Variants in GPR158 observed in about 807,000 individuals in gnomAD.
GPR158 encodes the protein G protein-coupled receptor 158.
In GPR158, 30 loss-of-function variants were observed where a neutral mutation model predicts 78.2. The ratio of observed to expected loss-of-function variants is 0.38; its 90% CI spans 0.29 to 0.52. The LOEUF is 0.52. Ranked by LOEUF, GPR158 falls within the 20% of genes least tolerant of loss-of-function variation. GPR158 has a pLI of 0.83. For missense variants in GPR158, 1,463 were observed against 1,523.5 expected (o/e 0.96, Z 0.66); for synonymous variants, 581 against 591.1 (o/e 0.98, Z 0.25).
intron 5 of GPR158, among the ~76,000 whole-genome samples, chr10:25,542,104 T>TA (rs1324942024): frequency 6.6e-6 from 1 of 151,884 alleles, no homozygotes; most frequent in Non-Finnish European, 1.5e-5. Flanking sequence ...TGCCTCCTAG[T>TA]ACACAGTAAT....
chr10:25,323,975 C>A (rs1854992400), intron 2 of GPR158, among the ~76,000 whole-genome samples: 1 of 152,252 alleles, frequency 6.6e-6, no homozygotes, highest in Non-Finnish European at 1.5e-5. Context: ...TACCTCACTT[C>A]TCTCAGACTT....
At chr10:25,536,616 GA>G (rs1369970412) in intron 5 of GPR158, among the ~76,000 whole-genome samples, 8 of 152,096 alleles carry the variant, frequency 5.3e-5, no homozygotes, top group Non-Finnish European at 1.5e-5. Context: ...TCCATTTCTT[GA>G]GAAATATATT....
intron 3 of GPR158, among the ~76,000 whole-genome samples, chr10:25,407,059 T>G (rs949749611): frequency 6.6e-6 from 1 of 152,188 alleles, no homozygotes; most frequent in Admixed American, 6.6e-5. Context: ...TTCCAACAGC[T>G]TAGATTTTGA....
intron 2 of GPR158, among the ~76,000 whole-genome samples, chr10:25,286,223 C>T (rs908994534): frequency 1.3e-5 from 2 of 151,996 alleles, no homozygotes; most frequent in African/African-American, 4.8e-5. Flanking sequence ...AATGTTCCCT[C>T]ATATATCTTG....
rs147679825 is a variant in GPR158, at chr10:25,303,526, C to T, written c.1008+82369C>T. On this transcript the variant is annotated intron_variant, in intron 2 of 10. Coordinates refer to ENST00000376351, the MANE Select transcript of GPR158 (RefSeq NM_020752.3). Reference sequence around the variant, plus strand: ...GGAAAATAAATACACTAAAATGACTCATCTTCCCGAAATACCTTGAGAGCA... The same window carrying T: ...GGAAAATAAATACACTAAAATGACTTATCTTCCCGAAATACCTTGAGAGCA... 6.9e-3 allele frequency among the ~76,000 whole-genome samples: 1,049 copies of T among 152,282 alleles called. 7 individuals are homozygous for T. The highest frequency in any genetic ancestry group is 0.017 in the Middle Eastern group (5 of 294).
At chr10:25,507,820 C>T (rs548265877) in intron 5 of GPR158, among the ~76,000 whole-genome samples, 5 of 152,200 alleles carry the variant, frequency 3.3e-5, no homozygotes, top group African/African-American at 7.2e-5. Flanking sequence ...TTTATACTTC[C>T]GGAAATCTAG....
chr10:25,429,859 C>A (rs1425176057), intron 4 of GPR158, among the ~76,000 whole-genome samples: 1 of 140,832 alleles, frequency 7.1e-6, no homozygotes, highest in Non-Finnish European at 1.5e-5. Flanking sequence ...TGGGACGTAT[C>A]TCAAAATAAT....
At chr10:25,287,702 G>A (rs1854372575) in intron 2 of GPR158, among the ~76,000 whole-genome samples, 1 of 152,132 alleles carries the variant, frequency 6.6e-6, no homozygotes, top group South Asian at 2.1e-4. Context: ...GTCCTTGCAA[G>A]TACCTGCCTT....
intron 4 of GPR158, among the ~76,000 whole-genome samples, chr10:25,433,199 C>T (rs1405699510): frequency 1.3e-5 from 2 of 152,174 alleles, no homozygotes; most frequent in African/African-American, 4.8e-5. Context: ...CTGTGCTGTC[C>T]TATCTCTCAC....
chr10:25,597,933 C>A lies in GPR158; in HGVS notation c.2307C>A (p.Cys769Ter). 1 of 1,613,644 alleles carries A rather than the reference C, an allele frequency of 6.2e-7. No individual in the cohort carries two copies. Among genetic ancestry groups the A allele is most frequent in the Non-Finnish European group, 8.5e-7 (1 of 1,179,782 alleles). The change falls in exon 11 of 11, where the codon TGC becomes TGA. Residue 769 changes from cysteine to a stop codon, truncating the protein, a stop_gained. Coordinates refer to ENST00000376351, the MANE Select transcript of GPR158 (RefSeq NM_020752.3). LOFTEE classifies it low-confidence loss of function (END_TRUNC). ...TCCCAGAGACAGTCAGCCGGCAGTG[C>A]TCTAAAGAGGACAAGGAGGGCGCCG... ...TEIPETVSRQ[C>*]SKEDKEGADH...
At chr10:25,500,434 A>G (rs756889872) in intron 5 of GPR158, among the ~76,000 whole-genome samples, 3 of 152,234 alleles carry the variant, frequency 2.0e-5, no homozygotes, top group East Asian at 1.9e-4. Context: ...GGGGATTACT[A>G]CGTGCCTTTT....
At chr10:25,354,496 A>T (rs1855520576) in intron 2 of GPR158, among the ~76,000 whole-genome samples, 1 of 152,004 alleles carries the variant, frequency 6.6e-6, no homozygotes, top group African/African-American at 2.4e-5. Flanking sequence ...CTCAATTTAC[A>T]TATTTTTATT....
At chr10:25,374,211 T>C (rs1564437246) in intron 2 of GPR158, among the ~76,000 whole-genome samples, 1 of 151,620 alleles carries the variant, frequency 6.6e-6, no homozygotes, top group Non-Finnish European at 1.5e-5. Flanking sequence ...TGTAAATGAA[T>C]ATACAGGCTT....
rs1042454691 is a variant in GPR158 at position 25,297,149 on chromosome 10, A to G, written c.1008+75992A>G. On this transcript the variant is annotated intron_variant, in intron 2 of 10. Coordinates refer to ENST00000376351, the MANE Select transcript of GPR158 (RefSeq NM_020752.3). ...GTTTGTTTATTGTATGATGTATTCC[A>G]TATCAGAAGAACTCTTTACCAAGAG... 3.9e-5 allele frequency among the ~76,000 whole-genome samples: 6 copies of G among 152,192 alleles called. No individual in the cohort carries two copies. The East Asian group carries it at 7.7e-4, about 20-fold the overall frequency.
At chr10:25,465,990 T>C (rs952807016) in intron 4 of GPR158, among the ~76,000 whole-genome samples, 1 of 151,710 alleles carries the variant, frequency 6.6e-6, no homozygotes, top group African/African-American at 2.4e-5. Context: ...CAAAGGGGAG[T>C]TTAAGCTCTA....
intron 2 of GPR158, among the ~76,000 whole-genome samples, chr10:25,389,063 A>T (rs557865919): frequency 1.3e-5 from 2 of 152,330 alleles, no homozygotes; most frequent in South Asian, 4.1e-4. Context: ...GCCTGCAGGC[A>T]TCCCTTGGCA....
At chr10:25,241,055 C>T (rs1234650787) in intron 2 of GPR158, among the ~76,000 whole-genome samples, 7 of 152,002 alleles carry the variant, frequency 4.6e-5, no homozygotes, top group African/African-American at 1.7e-4. Flanking sequence ...AAGGAAATTT[C>T]CTAAAGAGGT....
intron 5 of GPR158, among the ~76,000 whole-genome samples, chr10:25,538,157 T>G (rs1352436617): frequency 3.3e-5 from 5 of 152,152 alleles, no homozygotes; most frequent in Non-Finnish European, 7.4e-5. Context: ...AGTTTGCTCA[T>G]AAGGATATCA....
intron 4 of GPR158, among the ~76,000 whole-genome samples, chr10:25,421,878 C>G (rs1034975585): frequency 1.3e-4 from 20 of 152,064 alleles, no homozygotes; most frequent in African/African-American, 4.6e-4. Flanking sequence ...AAAGGCAAAA[C>G]AATTCTCTAA....
Sources: allele counts gnomAD v4.1 joint callset (sites outside exome capture counted in the v4.1 genomes callset), GRCh38; gene constraint gnomAD v4.1.1; transcripts MANE v1.5; gene names NCBI Gene and HGNC (gene_info 2026-07-23, HGNC 2026-07-21).